The following PIR variants were observed in gnomAD, a reference collection of about 807,000 sequenced individuals.
The protein encoded by PIR is pirin (iron-binding nuclear protein).
In PIR, 22 loss-of-function variants were observed where a neutral mutation model predicts 24.2. That is an observed-to-expected ratio of 0.91 (90% CI 0.65 to 1.30). The LOEUF (loss-of-function observed/expected upper bound fraction) is 1.30, where lower values mean the gene tolerates loss of function less well. PIR is among the 50% of genes most tolerant of loss of function. The probability of loss-of-function intolerance (pLI) is 0.00; values close to 1 mark genes in which losing one functional copy is unlikely to be tolerated. For synonymous variants in PIR, 80 were observed against 79.6 expected (o/e 1.00, Z -0.03); for missense variants, 220 against 220.3 (o/e 1.00, Z 0.01).
chrX:15,445,597 ATT>A (rs1178641172), intron 5 of PIR, among the ~76,000 whole-genome samples: 1 of 111,184 alleles, frequency 9.0e-6, no homozygotes, highest in Non-Finnish European at 1.9e-5. Context: ...AAAGAGGTAA[ATT>A]GTCATTGTTT....
intron 9 of PIR, among the ~76,000 whole-genome samples, chrX:15,387,157 G>A (rs1474002287): frequency 3.3e-5 from 3 of 91,569 alleles, no homozygotes; most frequent in African/African-American, 1.3e-4. Context: ...GGTGAGTGGT[G>A]CGATCTTGGC....
At chrX:15,429,163 T>C in intron 5 of PIR, among the ~76,000 whole-genome samples, 1 of 107,999 alleles carries the variant, frequency 9.3e-6, no homozygotes, top group East Asian at 3.0e-4. Context: ...TGTCTCTTGC[T>C]TCTCAACCTA....
intron 9 of PIR, among the ~76,000 whole-genome samples, chrX:15,385,336 A>G (rs1923707127): frequency 8.9e-6 from 1 of 112,557 alleles, no homozygotes; most frequent in African/African-American, 3.2e-5. Context: ...AACTTCAGAT[A>G]AATGCAATGG....
intron 7 of PIR, among the ~76,000 whole-genome samples, chrX:15,405,133 T>C (rs1186366940): frequency 8.9e-6 from 1 of 111,820 alleles, no homozygotes; most frequent in Admixed American, 9.5e-5. Flanking sequence ...AACAAGGCTC[T>C]AACTACTGCT....
At chrX:15,416,373 G>C (rs1226067653) in intron 6 of PIR, among the ~76,000 whole-genome samples, 3 of 111,725 alleles carry the variant, frequency 2.7e-5, no homozygotes, top group African/African-American at 9.8e-5. Context: ...CTTAAAAGTA[G>C]AGAAAGACTA....
chrX:15,453,206 C>T (rs1032103553), intron 5 of PIR, among the ~76,000 whole-genome samples: 2 of 111,942 alleles, frequency 1.8e-5, no homozygotes, highest in Admixed American at 9.5e-5. Context: ...AATAACCCTT[C>T]CCAAATCACA....
At chrX:15,419,343 CTGTGTGTGTG>C (rs34664851) in intron 6 of PIR, among the ~76,000 whole-genome samples, 862 of 78,267 alleles carry the variant, frequency 0.011, 13 homozygotes, top group African/African-American at 0.038. Flanking sequence ...ATGGATAAGT[CTGTGTGTGTG>C]TGTGTGTGTG....
rs772790189 is a variant in PIR, at chrX:15,433,580, TGAG to T, written c.481-7593_481-7591del. ...AAAGAAAGAGAGAGAAAGAAAGAAA[TGAG>T]GAGGAGGAAGGAGAAAGAGAGGAGG... On this transcript the variant is annotated intron_variant, in intron 5 of 9. Transcript: ENST00000380420. Among the ~76,000 whole-genome samples, 413 of 71,270 alleles carry T rather than the reference TGAG, an allele frequency of 5.8e-3. 7 individuals carry two copies. Among genetic ancestry groups the T allele is most frequent in the African/African-American group, 0.022 (383 of 17,287 alleles). 61.9% of individuals were successfully genotyped at this position (71,270 alleles called of 115,157 possible). A position where few individuals can be genotyped will look rare whatever the true frequency, so the allele number is the denominator to read the frequency against.
At chrX:15,417,065 C>G (rs570286030) in intron 6 of PIR, among the ~76,000 whole-genome samples, 2 of 111,621 alleles carry the variant, frequency 1.8e-5, no homozygotes, top group South Asian at 3.8e-4. Context: ...TCCCCGCCCC[C>G]CTCCACCCCC....
intron 9 of PIR, among the ~76,000 whole-genome samples, chrX:15,385,434 A>T (rs5935960): frequency 0.31 from 34,470 of 110,900 alleles, 4,480 homozygotes; most frequent in African/African-American, 0.49. Flanking sequence ...ATTACAACCA[A>T]TTTTGTAGTT....
intron 7 of PIR, among the ~76,000 whole-genome samples, chrX:15,405,646 T>C (rs1924530514): frequency 8.9e-6 from 1 of 112,693 alleles, no homozygotes; most frequent in South Asian, 3.6e-4. Context: ...AATGTTTTTT[T>C]CTATTTTTAT....
intron 5 of PIR, among the ~76,000 whole-genome samples, chrX:15,449,730 A>G (rs1481276311): frequency 8.9e-6 from 1 of 112,260 alleles, no homozygotes; most frequent in African/African-American, 3.2e-5. Flanking sequence ...GAAAATCTTG[A>G]TTTCTATAAA....
chrX:15,385,802 C>A (rs1382719862), intron 9 of PIR, among the ~76,000 whole-genome samples: 1 of 112,140 alleles, frequency 8.9e-6, no homozygotes, highest in African/African-American at 3.2e-5. Flanking sequence ...ATAGGTATGG[C>A]TGTGTCCCAA....
rs1433119707 is a variant in PIR, at chrX:15,491,988, C to T, written c.-52-679G>A. On this transcript the variant is annotated intron_variant, in intron 1 of 9. Transcript: ENST00000380420. ...CCCCTTACTAAAAATCTCCAATGAA[C>T]ACTTTGTCTTTCTTACTTCACTGAA... 2.7e-5 allele frequency among the ~76,000 whole-genome samples: 3 copies of T among 109,971 alleles called. No individual in the cohort carries two copies. In the Admixed American group the frequency reaches 2.9e-4, roughly 11 times the overall value.
At chrX:15,465,949 A>G (rs999079165) in intron 3 of PIR, among the ~76,000 whole-genome samples, 2 of 107,131 alleles carry the variant, frequency 1.9e-5, no homozygotes, top group Non-Finnish European at 3.8e-5. Context: ...CAAAATGTTT[A>G]TATTACAGGG....
chrX:15,447,094 A>T (rs777597041), intron 5 of PIR, among the ~76,000 whole-genome samples: 2 of 112,206 alleles, frequency 1.8e-5, no homozygotes, highest in Non-Finnish European at 3.8e-5. Flanking sequence ...TATAATTTAC[A>T]TACTATAAAC....
chrX:15,393,022 A>T (rs1051842553), intron 8 of PIR, among the ~76,000 whole-genome samples: 1 of 112,225 alleles, frequency 8.9e-6, no homozygotes, highest in Non-Finnish European at 1.9e-5. Flanking sequence ...AGCCAAGAGA[A>T]TTAAATACCC....
chrX:15,403,872 GCT>G (rs1170483566), intron 7 of PIR, among the ~76,000 whole-genome samples: 2 of 111,621 alleles, frequency 1.8e-5, no homozygotes, highest in African/African-American at 6.5e-5. Context: ...TCTTATTTTA[GCT>G]CTGTTAACTC....
intron 5 of PIR, among the ~76,000 whole-genome samples, chrX:15,433,550 G>A (rs202167682): frequency 1.3e-5 from 1 of 79,124 alleles, no homozygotes; most frequent in African/African-American, 4.9e-5. Context: ...GAAAGAGAGA[G>A]AAAGAAAGAA....
Sources: gnomAD v4.1 joint callset for allele counts (sites outside exome capture counted in the v4.1 genomes callset) on GRCh38, gnomAD v4.1.1 for gene constraint, MANE v1.5 for transcripts, NCBI Gene and HGNC (gene_info 2026-07-23, HGNC 2026-07-21) for gene names.